CSMD1: variants seen among roughly 807,000 people sequenced by gnomAD.
The protein encoded by CSMD1 is CUB and sushi domain-containing protein 1.
Under a neutral mutation model 417.5 loss-of-function variants are expected in CSMD1, and 213 were observed. The observed-to-expected ratio is 0.51, with a 90% CI of 0.46 to 0.57. The LOEUF (loss-of-function observed/expected upper bound fraction) is 0.57, where lower values mean the gene tolerates loss of function less well. Among genes scored for constraint, CSMD1 ranks in the 20% least tolerant of loss-of-function variants. The pLI is 0.00. For synonymous variants in CSMD1, 2,862 were observed against 1,736.8 expected (o/e 1.65, Z -16.11); for missense variants, 6,923 against 4,529.7 (o/e 1.53, Z -15.17).
intron 3 of CSMD1, among the ~76,000 whole-genome samples, chr8:4,202,449 T>A (rs1390518812): frequency 5.9e-5 from 9 of 152,234 alleles, no homozygotes. Context: ...ATGTACAAAA[T>A]GTTTCATTAC....
Position 3,947,375 on chromosome 8 carries a change from G to T in CSMD1, c.818+50528C>A, listed in dbSNP as rs138629192. On this transcript the variant is annotated intron_variant, in intron 5 of 69. Coordinates refer to ENST00000635120, the MANE Select transcript of CSMD1 (RefSeq NM_033225.6). ...AAACCAATCTCGTATTCCTGAAAGT[G>T]ACCCCAGTGGTCATGACGTGCTATC... Among the ~76,000 whole-genome samples, 459 of 152,302 alleles carry T rather than the reference G, an allele frequency of 3.0e-3. 1 individual carries two copies. The highest frequency in any genetic ancestry group is 5.5e-3 in the Non-Finnish European group (371 of 68,026).
chr8:3,365,398 C>T lies in CSMD1; in HGVS notation c.3115+1634G>A, dbSNP rs567740842. Among the ~76,000 whole-genome samples, 29 of 152,260 alleles carry T rather than the reference C, an allele frequency of 1.9e-4. No individual in the cohort carries two copies. In the South Asian group the frequency reaches 2.9e-3, roughly 15 times the overall value. On this transcript the variant is annotated intron_variant, in intron 20 of 69. Transcript: ENST00000635120. ...CCAAGAAATATTTTCCTTGAAGACA[C>T]TATTTGATTTTACATAATGTTAATC...
chr8:4,147,008 G>C (rs550171085), intron 3 of CSMD1, among the ~76,000 whole-genome samples: 4 of 151,850 alleles, frequency 2.6e-5, no homozygotes, highest in Non-Finnish European at 5.9e-5. Flanking sequence ...CATCCACTCA[G>C]AGGCCAGGAG....
At chr8:3,322,084 T>A (rs1322218941) in intron 23 of CSMD1, among the ~76,000 whole-genome samples, 1 of 152,236 alleles carries the variant, frequency 6.6e-6, no homozygotes, top group Non-Finnish European at 1.5e-5. Flanking sequence ...ACATAATATA[T>A]GAAAGTCAGT....
intron 3 of CSMD1, among the ~76,000 whole-genome samples, chr8:4,201,091 C>G (rs570510236): frequency 6.6e-6 from 1 of 152,166 alleles, no homozygotes; most frequent in Non-Finnish European, 1.5e-5. Context: ...GGGCCAATGT[C>G]TTACCTTTCA....
chr8:4,920,701 C>A (rs1360698068), intron 1 of CSMD1, among the ~76,000 whole-genome samples: 2 of 151,614 alleles, frequency 1.3e-5, no homozygotes, highest in Non-Finnish European at 2.9e-5. Flanking sequence ...TGCATGTCTG[C>A]AATCCCAGCT....
chr8:3,795,132 G>C (rs1799982699), intron 5 of CSMD1, among the ~76,000 whole-genome samples: 1 of 62,320 alleles, frequency 1.6e-5, no homozygotes, highest in Non-Finnish European at 3.5e-5. Flanking sequence ...ATCATGTACA[G>C]CTATAGATAT....
chr8:4,590,837 G>T (rs1799947786), intron 2 of CSMD1, among the ~76,000 whole-genome samples: 1 of 152,116 alleles, frequency 6.6e-6, no homozygotes, highest in Non-Finnish European at 1.5e-5. Flanking sequence ...AAGGATATGG[G>T]ACATAATTTG....
intron 5 of CSMD1, among the ~76,000 whole-genome samples, chr8:3,762,420 G>A (rs540840947): frequency 7.0e-4 from 106 of 152,150 alleles, no homozygotes; most frequent in Non-Finnish European, 1.3e-3. Context: ...CTCCTGACAC[G>A]CCAGACTTAC....
At chr8:4,920,361 G>C (rs1037311206) in intron 1 of CSMD1, among the ~76,000 whole-genome samples, 1 of 152,184 alleles carries the variant, frequency 6.6e-6, no homozygotes, top group African/African-American at 2.4e-5. Context: ...AAAGTATTTA[G>C]AGAGAAAATG....
In CSMD1 at chr8:4,526,628, G is replaced by A. The variant is rs375568016; in HGVS notation, c.303-106563C>T. On this transcript the variant is annotated intron_variant, in intron 2 of 69. Transcript: ENST00000635120. ...CTTTCACCAACTTGACATCACTCTTGGGAATTAACAAAAATTGTGTAATTT... is the reference window on the plus strand; with the variant it reads ...CTTTCACCAACTTGACATCACTCTTAGGAATTAACAAAAATTGTGTAATTT... Among the ~76,000 whole-genome samples the A allele has an allele frequency of 3.9e-5, 6 of 152,048 alleles. 1 individual carries two copies. In the East Asian group the frequency reaches 5.8e-4, roughly 15 times the overall value.
intron 5 of CSMD1, among the ~76,000 whole-genome samples, chr8:3,806,282 C>G (rs779526123): frequency 5.9e-5 from 9 of 152,146 alleles, no homozygotes; most frequent in Non-Finnish European, 1.2e-4. Context: ...AGTTTTCATT[C>G]TGTCTATCGT....
intron 3 of CSMD1, among the ~76,000 whole-genome samples, chr8:4,104,413 C>T (rs77192888): frequency 0.079 from 11,544 of 145,674 alleles, 515 homozygotes; most frequent in Middle Eastern, 0.17. Flanking sequence ...CACATGCACA[C>T]GCACACACAC....
chr8:3,934,588 C>G (rs1810361763), intron 5 of CSMD1, among the ~76,000 whole-genome samples: 1 of 152,120 alleles, frequency 6.6e-6, no homozygotes, highest in Non-Finnish European at 1.5e-5. Flanking sequence ...GGCGCGGTGG[C>G]TGATGCCTGT....
chr8:4,845,916 T>C lies in CSMD1; in HGVS notation c.85+148416A>G, dbSNP rs532947877. ...GCTAACTAAAATGACAAGGTTACGC[T>C]AGCCTATGAACTTTGCCTATTTTGC... On this transcript the variant is annotated intron_variant, in intron 1 of 69. Coordinates refer to ENST00000635120, the MANE Select transcript of CSMD1 (RefSeq NM_033225.6). Among the ~76,000 whole-genome samples the C allele has an allele frequency of 3.3e-5, 5 of 152,032 alleles. 1 individual carries two copies. The highest frequency in any genetic ancestry group is 3.3e-4 in the Admixed American group (5 of 15,272).
intron 5 of CSMD1, among the ~76,000 whole-genome samples, chr8:3,873,982 G>C (rs957416150): frequency 1.3e-5 from 2 of 152,150 alleles, no homozygotes; most frequent in African/African-American, 4.8e-5. Context: ...TGGTGACATA[G>C]GTCTGTTTAT....
At chr8:3,370,631 C>G (rs530699074) in intron 18 of CSMD1, among the ~76,000 whole-genome samples, 28 of 152,270 alleles carry the variant, frequency 1.8e-4, no homozygotes, top group African/African-American at 6.7e-4. Context: ...TTGCTTTCAC[C>G]AATGTGAACT....
Position 3,339,096 on chromosome 8 carries a change from TG to T in CSMD1, c.3631+4197del, listed in dbSNP as rs1304362304. ...TGAGAATATGCGGTGTTTGGTTGTT[TG>T]TTCTTGCGATAGTTTACTGAGAATG... is the stretch of plus-strand genomic sequence containing the variant. On this transcript the variant is annotated intron_variant, in intron 23 of 69. Transcript: ENST00000635120. Among the ~76,000 whole-genome samples the T allele has an allele frequency of 5.9e-5, 9 of 151,510 alleles. No individual in the cohort carries two copies. In the East Asian group the frequency reaches 1.8e-3, roughly 30 times the overall value.
intron 1 of CSMD1, among the ~76,000 whole-genome samples, chr8:4,728,484 T>G (rs1809621432): frequency 1.3e-5 from 2 of 152,096 alleles, no homozygotes; most frequent in South Asian, 2.1e-4. Flanking sequence ...AGTGCTGCCA[T>G]GTAGCAGGTT....
Sources: allele counts gnomAD v4.1 joint callset (sites outside exome capture counted in the v4.1 genomes callset), GRCh38; gene constraint gnomAD v4.1.1; transcripts MANE v1.5; gene names NCBI Gene and HGNC (gene_info 2026-07-23, HGNC 2026-07-21).